DDX31: variants seen among roughly 807,000 people sequenced by gnomAD.
The protein encoded by DDX31 is ATP-dependent DNA helicase DDX31.
DDX31 carries 70 observed loss-of-function variants against 91.3 expected under a neutral mutation model. The ratio of observed to expected loss-of-function variants is 0.77; its 90% confidence interval spans 0.63 to 0.94. DDX31 has a LOEUF of 0.94. Among genes scored for constraint, DDX31 ranks in the 40% least tolerant of loss-of-function variants. The pLI, the probability that DDX31 is intolerant of heterozygous loss-of-function variation, is 0.00. For missense variants in DDX31, 902 were observed against 925.0 expected, an observed-to-expected ratio of 0.98 and a Z score of 0.32; for synonymous variants, 362 against 350.6, an observed-to-expected ratio of 1.03 and a Z score of -0.36.
intron 19 of DDX31, among the ~76,000 whole-genome samples, chr9:132,606,381 C>T (rs886489663): frequency 6.6e-6 from 1 of 152,140 alleles, no homozygotes; most frequent in African/African-American, 2.4e-5. Context: ...TCTTAATGCT[C>T]GTCTTTGAGG....
chr9:132,646,141 C>G, intron 12 of DDX31, 70 bp from the exon 13 acceptor site: 7 of 1,494,108 alleles, frequency 4.7e-6, no homozygotes, highest in Non-Finnish European at 6.4e-6. Context: ...GAATATTTCT[C>G]TAAACTATAC....
At chr9:132,619,232 G>A (rs1831841687) in intron 17 of DDX31, among the ~76,000 whole-genome samples, 1 of 152,204 alleles carries the variant, frequency 6.6e-6, no homozygotes, top group South Asian at 2.1e-4. Flanking sequence ...AAAACTAGTG[G>A]CTTTTGTCTC....
chr9:132,633,418 T>C (rs1832914827), intron 14 of DDX31, among the ~76,000 whole-genome samples: 1 of 152,044 alleles, frequency 6.6e-6, no homozygotes. Flanking sequence ...ATGAGGCCAT[T>C]CATTTCAGCA....
At chr9:132,665,492 GCCT>G (rs1426544071) in intron 1 of DDX31, among the ~76,000 whole-genome samples, 1 of 152,140 alleles carries the variant, frequency 6.6e-6, no homozygotes, top group Non-Finnish European at 1.5e-5. Flanking sequence ...GACTAACATG[GCCT>G]CCTTCTGGCA....
Position 132,593,010 on chromosome 9 carries a change from G to T in DDX31, c.*1856C>A, listed in dbSNP as rs947422223. 4 of 152,116 alleles carry T rather than the reference G, an allele frequency of 2.6e-5. No homozygotes were observed. Among genetic ancestry groups the T allele is most frequent in the African/African-American group, 7.2e-5 (3 of 41,418 alleles). The allele number at this position is 152,116 out of a possible 1,614,324, so 9.4% of individuals were successfully genotyped here. A position where few individuals can be genotyped will look rare whatever the true frequency, so the allele number is the denominator to read the frequency against. ...CAAGAGCCATAATAGAAGAGAAAGA[G>T]ATTTATTTTAAGGTTATTTAAATTT... On this transcript the variant is annotated 3_prime_UTR_variant, in exon 20 of 20. Transcript: ENST00000372159.
chr9:132,657,434 ACTTT>A (rs1385174276), intron 6 of DDX31, among the ~76,000 whole-genome samples: 1 of 147,404 alleles, frequency 6.8e-6, no homozygotes, highest in Non-Finnish European at 1.5e-5. Context: ...CCAAATGGTG[ACTTT>A]CTATTTCTAT....
chr9:132,659,669 C>T (rs1218797540), intron 5 of DDX31, 41 bp downstream of exon 5: 1 of 1,578,674 alleles, frequency 6.3e-7, no homozygotes. Flanking sequence ...TGACCATGGG[C>T]CTGAGCAGAT....
intron 17 of DDX31, among the ~76,000 whole-genome samples, chr9:132,624,989 A>G (rs767046472): frequency 1.1e-4 from 16 of 152,214 alleles, no homozygotes; most frequent in Admixed American, 2.0e-4. Context: ...AGTGATTAAT[A>G]TCTCATAGAC....
Position 132,658,664 on chromosome 9 carries a change from TAC to T in DDX31, c.588+5_588+6del. 1 of 1,613,328 alleles carries T rather than the reference TAC, an allele frequency of 6.2e-7. No homozygotes were observed. The highest frequency in any genetic ancestry group is 1.1e-5 in the South Asian group (1 of 90,946). ...AGCAATGACAGAAAAACACATTTGATACACACCTGTATTTTTGACTCCATTGC... is the reference window on the plus strand; with the variant it reads ...AGCAATGACAGAAAAACACATTTGATACACCTGTATTTTTGACTCCATTGC... On this transcript the variant is annotated splice_donor_5th_base_variant and intron_variant, in intron 6 of 19. Coordinates refer to ENST00000372159, the MANE Select transcript of DDX31 (RefSeq NM_022779.9).
At chr9:132,608,924 T>C (rs552993224) in intron 19 of DDX31, among the ~76,000 whole-genome samples, 14 of 152,314 alleles carry the variant, frequency 9.2e-5, no homozygotes, top group East Asian at 3.9e-4. Flanking sequence ...CCGCTTACCC[T>C]GACCACAATT....
At chr9:132,655,103 C>T (rs1834480367) in intron 6 of DDX31, among the ~76,000 whole-genome samples, 1 of 152,118 alleles carries the variant, frequency 6.6e-6, no homozygotes, top group African/African-American at 2.4e-5. Flanking sequence ...TAAAAATGCA[C>T]ATTCCACTTA....
At chr9:132,619,184 AC>A (rs1254730577) in intron 17 of DDX31, among the ~76,000 whole-genome samples, 1 of 152,254 alleles carries the variant, frequency 6.6e-6, no homozygotes, top group Non-Finnish European at 1.5e-5. Context: ...CTTTAACAGT[AC>A]CAGAGAAAAA....
At chr9:132,612,036 T>C (rs758502438) in intron 19 of DDX31, 51 bp downstream of exon 19, 36 of 1,579,822 alleles carry the variant, frequency 2.3e-5, no homozygotes, top group East Asian at 6.8e-5. Flanking sequence ...CATCACATCA[T>C]GTGAACGGAG....
At chr9:132,649,582 C>T (rs1256059531) in intron 9 of DDX31, among the ~76,000 whole-genome samples, 1 of 152,132 alleles carries the variant, frequency 6.6e-6, no homozygotes, top group East Asian at 1.9e-4. Flanking sequence ...ATTGTTTGTG[C>T]CACTGTTATT....
intron 14 of DDX31, among the ~76,000 whole-genome samples, chr9:132,637,414 A>G (rs1456804634): frequency 6.6e-6 from 1 of 152,252 alleles, no homozygotes; most frequent in East Asian, 1.9e-4. Context: ...TGCCTCCATG[A>G]GACCTAGGAG....
At chr9:132,644,155 G>T (rs1428289454) in intron 13 of DDX31, among the ~76,000 whole-genome samples, 1 of 151,824 alleles carries the variant, frequency 6.6e-6, no homozygotes, top group Non-Finnish European at 1.5e-5. Context: ...GAAAACACAG[G>T]GATACTATAA....
At chr9:132,660,752 G>A (rs556652297) in intron 4 of DDX31, among the ~76,000 whole-genome samples, 4 of 152,106 alleles carry the variant, frequency 2.6e-5, no homozygotes. Flanking sequence ...TCATCTCCTC[G>A]CACCTATTTT....
Position 132,662,456 on chromosome 9 carries a change from G to A in DDX31, c.315C>T (p.Asp105=). 1.2e-6 allele frequency: 2 copies of A among 1,614,220 alleles called. No homozygotes were observed. Among genetic ancestry groups the A allele is most frequent in the Non-Finnish European group, 1.7e-6 (2 of 1,180,032 alleles). ...KTSSLFKNNP[D]IPELHRPVVK... ...GGACATACCTGTGGAGTTCTGGAATGTCAGGGTTGTTTTTAAACAGTGATG... is the reference window on the plus strand; with the variant it reads ...GGACATACCTGTGGAGTTCTGGAATATCAGGGTTGTTTTTAAACAGTGATG... The change falls in exon 2 of 20, where the codon GAC becomes GAT. Residue 105 remains aspartate (D), a synonymous_variant. Transcript: ENST00000372159.
chr9:132,616,529 T>A (rs530358500), intron 18 of DDX31, among the ~76,000 whole-genome samples: 1 of 152,138 alleles, frequency 6.6e-6, no homozygotes, highest in African/African-American at 2.4e-5. Context: ...CAGTGTGGGT[T>A]TGATTTATTT....
Sources: gnomAD v4.1 joint callset for allele counts (sites outside exome capture counted in the v4.1 genomes callset) on GRCh38, gnomAD v4.1.1 for gene constraint, MANE v1.5 for transcripts, NCBI Gene and HGNC (gene_info 2026-07-23, HGNC 2026-07-21) for gene names.